The following VWC2L variants were observed in gnomAD, a reference collection of about 807,000 sequenced individuals.
VWC2L encodes the protein von Willebrand factor C domain containing 2 like.
VWC2L carries 10 observed loss-of-function variants against 21.6 expected under a neutral mutation model. The ratio of observed to expected loss-of-function variants is 0.46; its 90% CI spans 0.29 to 0.78. The LOEUF (loss-of-function observed/expected upper bound fraction) is 0.78, where lower values mean the gene tolerates loss of function less well. VWC2L is among the 30% of genes least tolerant of loss of function. VWC2L has a pLI of 0.10. For missense variants in VWC2L, 209 were observed against 277.1 expected, an observed-to-expected ratio of 0.75 and a Z score of 1.74; for synonymous variants, 96 against 94.3, an observed-to-expected ratio of 1.02 and a Z score of -0.10.
intron 3 of VWC2L, among the ~76,000 whole-genome samples, chr2:214,439,008 G>T (rs1702721807): frequency 1.3e-5 from 2 of 151,976 alleles, no homozygotes; most frequent in Non-Finnish European, 2.9e-5. Context: ...TTAAATTAGT[G>T]GAAGGACTGA....
intron 2 of VWC2L, among the ~76,000 whole-genome samples, chr2:214,424,339 T>C (rs2126173452): frequency 6.6e-6 from 1 of 152,298 alleles, no homozygotes; most frequent in South Asian, 2.1e-4. Flanking sequence ...CAGTACACGT[T>C]AGTATACTGA....
At chr2:214,521,427 G>A (rs1689239455) in intron 3 of VWC2L, among the ~76,000 whole-genome samples, 1 of 152,052 alleles carries the variant, frequency 6.6e-6, no homozygotes, top group Admixed American at 6.5e-5. Context: ...TTAAACTCTA[G>A]CTTAACTAAT....
At chr2:214,528,926 C>T (rs1283512982) in intron 3 of VWC2L, among the ~76,000 whole-genome samples, 1 of 152,214 alleles carries the variant, frequency 6.6e-6, no homozygotes, top group Non-Finnish European at 1.5e-5. Context: ...AATCCTATTT[C>T]ACTTCCACTA....
chr2:214,470,649 C>T (rs568456067), intron 3 of VWC2L, among the ~76,000 whole-genome samples: 7 of 152,028 alleles, frequency 4.6e-5, no homozygotes, highest in African/African-American at 1.2e-4. Flanking sequence ...TGGCTCACAC[C>T]TGTAATCCCA....
At chr2:214,493,649 G>T (rs1688774391) in intron 3 of VWC2L, among the ~76,000 whole-genome samples, 1 of 152,118 alleles carries the variant, frequency 6.6e-6, no homozygotes, top group Admixed American at 6.6e-5. Flanking sequence ...TTTCCAAGGA[G>T]GATTCTGACT....
intron 3 of VWC2L, among the ~76,000 whole-genome samples, chr2:214,499,104 T>C (rs1574599299): frequency 7.0e-6 from 1 of 143,444 alleles, no homozygotes; most frequent in Non-Finnish European, 1.5e-5. Flanking sequence ...CTGCAACCTC[T>C]GCCTCCCAGG....
chr2:214,422,391 T>A (rs1253860689), intron 2 of VWC2L, among the ~76,000 whole-genome samples: 1 of 152,176 alleles, frequency 6.6e-6, no homozygotes, highest in Non-Finnish European at 1.5e-5. Flanking sequence ...ATCTTTTTGT[T>A]CCTTCTTCTT....
At chr2:214,566,340 A>G (rs1690061623) in intron 3 of VWC2L, among the ~76,000 whole-genome samples, 1 of 152,074 alleles carries the variant, frequency 6.6e-6, no homozygotes, top group Admixed American at 6.6e-5. Context: ...CTTTACTTCT[A>G]TTGTGCAGCT....
Position 214,451,312 on chromosome 2 carries a change from G to GGC in VWC2L, c.520+14555_520+14556insCG, listed in dbSNP as rs1553586405. Among the ~76,000 whole-genome samples, 5 of 150,486 alleles carry GGC rather than the reference G, an allele frequency of 3.3e-5. 1 individual carries two copies. Among genetic ancestry groups the GGC allele is most frequent in the African/African-American group, 1.2e-4 (5 of 41,018 alleles). ...GGAAGGATAAGTGGGTCGGTGTGGG[G>GGC]GGGGGGGGCAGTAAAAGCTGAAATA... On this transcript the variant is annotated intron_variant, in intron 3 of 3. Coordinates refer to ENST00000312504, the MANE Select transcript of VWC2L (RefSeq NM_001080500.4).
chr2:214,456,892 G>T (rs917191147), intron 3 of VWC2L, among the ~76,000 whole-genome samples: 1 of 151,984 alleles, frequency 6.6e-6, no homozygotes, highest in Non-Finnish European at 1.5e-5. Context: ...TAAATATATG[G>T]ATTTATTTTT....
In VWC2L at chr2:214,480,855, A is replaced by G. The variant is rs577743283; in HGVS notation, c.520+44097A>G. ...AAGTCTTCTTTATTCAGAGGTCCAT[A>G]TGCCAAGCCAAAAAAAAAAAAAAAA... On this transcript the variant is annotated intron_variant, in intron 3 of 3. Transcript: ENST00000312504. 2.2e-3 allele frequency among the ~76,000 whole-genome samples: 233 copies of G among 104,300 alleles called. 1 individual carries two copies. Among genetic ancestry groups the G allele is most frequent in the African/African-American group, 7.8e-3 (217 of 27,876 alleles). The allele number at this position is 104,300 out of a possible 152,430, so 68.4% of individuals were successfully genotyped here. A position where few individuals can be genotyped will look rare whatever the true frequency, so the allele number is the denominator to read the frequency against.
At chr2:214,537,131 A>C (rs937254080) in intron 3 of VWC2L, among the ~76,000 whole-genome samples, 1 of 151,756 alleles carries the variant, frequency 6.6e-6, no homozygotes, top group Non-Finnish European at 1.5e-5. Flanking sequence ...TCTTAGATAT[A>C]CTCTACACTG....
intron 2 of VWC2L, among the ~76,000 whole-genome samples, chr2:214,435,058 G>C (rs1702658501): frequency 6.6e-6 from 1 of 152,210 alleles, no homozygotes; most frequent in South Asian, 2.1e-4. Flanking sequence ...AAGGAAAGGG[G>C]AAAGTTCGAC....
At chr2:214,433,050 T>G (rs903942954) in intron 2 of VWC2L, among the ~76,000 whole-genome samples, 2 of 150,566 alleles carry the variant, frequency 1.3e-5, no homozygotes, top group African/African-American at 4.9e-5. Context: ...AAGTATGTAT[T>G]CAGAGATAGC....
chr2:214,448,827 G>T (rs1702911780), intron 3 of VWC2L, among the ~76,000 whole-genome samples: 1 of 152,118 alleles, frequency 6.6e-6, no homozygotes, highest in Non-Finnish European at 1.5e-5. Context: ...ATCATCATTA[G>T]ACCAGCCATT....
At chr2:214,433,669 T>G (rs1022735924) in intron 2 of VWC2L, among the ~76,000 whole-genome samples, 1 of 152,216 alleles carries the variant, frequency 6.6e-6, no homozygotes, top group Non-Finnish European at 1.5e-5. Context: ...TTTTAAAGTT[T>G]GAACTTAATG....
rs186045446 is a variant in VWC2L, at chr2:214,557,425, A to G, written c.521-18247A>G. The stretch of plus-strand genomic sequence containing the variant: ...ACACATGTGAATCATGGGAGCTACA[A>G]TTCAAGATGAGATTTGGGTAGGGAC... On this transcript the variant is annotated intron_variant, in intron 3 of 3. Transcript: ENST00000312504. Among the ~76,000 whole-genome samples the G allele has an allele frequency of 2.0e-4, 30 of 152,238 alleles. 2 individuals carry two copies. Among genetic ancestry groups the G allele is most frequent in the Admixed American group, 2.0e-3 (30 of 15,286 alleles).
chr2:214,483,108 AT>A (rs1371986440), intron 3 of VWC2L, among the ~76,000 whole-genome samples: 5 of 152,122 alleles, frequency 3.3e-5, no homozygotes, highest in Admixed American at 2.6e-4. Flanking sequence ...TGACATTCTA[AT>A]TGACTGGTTG....
chr2:214,574,693 A>G (rs1690201330), intron 3 of VWC2L, among the ~76,000 whole-genome samples: 1 of 152,052 alleles, frequency 6.6e-6, no homozygotes, highest in Admixed American at 6.6e-5. Context: ...CTTAATACCA[A>G]ATTGCTTCAA....
Sources: gnomAD v4.1 joint callset for allele counts (sites outside exome capture counted in the v4.1 genomes callset) on GRCh38, gnomAD v4.1.1 for gene constraint, MANE v1.5 for transcripts, NCBI Gene and HGNC (gene_info 2026-07-23, HGNC 2026-07-21) for gene names.